The following TRPV3 variants were observed in gnomAD, a reference collection of about 807,000 sequenced individuals.
TRPV3 encodes the protein transient receptor potential cation channel subfamily V member 3.
A neutral mutation model predicts 87.1 loss-of-function variants in TRPV3; 88 were observed. The ratio of observed to expected loss-of-function variants is 1.01; its 90% CI spans 0.85 to 1.21. The LOEUF (loss-of-function observed/expected upper bound fraction) is 1.21, where lower values mean the gene tolerates loss of function less well. Among genes scored for constraint, TRPV3 ranks in the 50% most tolerant of loss-of-function variants. The pLI is 0.00. For missense variants in TRPV3, 1,054 were observed against 1,030.1 expected (o/e 1.02, Z -0.32); for synonymous variants, 438 against 423.3 (o/e 1.03, Z -0.43).
intron 9 of TRPV3, among the ~76,000 whole-genome samples, chr17:3,529,578 C>T (rs1294723587): frequency 6.6e-6 from 1 of 152,164 alleles, no homozygotes; most frequent in East Asian, 1.9e-4. Flanking sequence ...TAGCCTCCTC[C>T]AGGAAGGCCC....
chr17:3,552,730 T>A (rs1429692721), intron 2 of TRPV3: 4 of 152,190 alleles, frequency 2.6e-5, no homozygotes, highest in African/African-American at 9.7e-5. Context: ...AGCCTGACGG[T>A]TCCTGCTGAG....
At chr17:3,539,494 A>G (rs1287959619) in intron 6 of TRPV3, 2 of 152,028 alleles carry the variant, frequency 1.3e-5, no homozygotes, top group Non-Finnish European at 2.9e-5. Context: ...CCTGCAACAA[A>G]TAGAAAAATT....
Position 3,514,662 on chromosome 17 carries a change from C to T in TRPV3, c.2209G>A (p.Val737Met), listed in dbSNP as rs768666749. 1 of 1,613,212 alleles carries T rather than the reference C, an allele frequency of 6.2e-7. No homozygotes were observed. The highest frequency in any genetic ancestry group is 8.5e-7 in the Non-Finnish European group (1 of 1,179,184). Reference protein sequence around the residue: ...DFRLCLRINEVKWTEWKTHVS... With the variant: ...DFRLCLRINEMKWTEWKTHVS... The stretch of plus-strand genomic sequence containing the variant: ...TGCGTCTTCCATTCAGTCCACTTCA[C>T]CTCATTGATCCTGCAAATGTGATAA... Residue 737 changes from valine to methionine, a missense_variant, in exon 17 of 18, where the codon GTG becomes ATG. Coordinates refer to ENST00000576742, the MANE Select transcript of TRPV3 (RefSeq NM_145068.4).
intron 16 of TRPV3, among the ~76,000 whole-genome samples, chr17:3,516,033 A>C (rs903034067): frequency 6.6e-6 from 1 of 151,692 alleles, no homozygotes; most frequent in Non-Finnish European, 1.5e-5. Flanking sequence ...CTAAAAATAC[A>C]AAATTAGCCA....
At chr17:3,552,340 CA>C (rs2074584306) in intron 2 of TRPV3, 1 of 151,982 alleles carries the variant, frequency 6.6e-6, no homozygotes, top group Non-Finnish European at 1.5e-5. Flanking sequence ...ACTATAGGCA[CA>C]CGCCACCACA....
chr17:3,516,187 A>C (rs1250965136), intron 16 of TRPV3, among the ~76,000 whole-genome samples: 1 of 564 alleles, frequency 1.8e-3, no homozygotes, highest in Non-Finnish European at 0.028. Context: ...ATTCCGTCTC[A>C]AAAAAAAATA....
chr17:3,550,077 G>T (rs149032461), intron 2 of TRPV3, among the ~76,000 whole-genome samples: 5 of 152,238 alleles, frequency 3.3e-5, no homozygotes, highest in African/African-American at 9.6e-5. Flanking sequence ...TGGATGGATG[G>T]ATAATAAGTA....
chr17:3,520,880 A>G, intron 14 of TRPV3, 93 bp downstream of exon 14: 4 of 755,280 alleles, frequency 5.3e-6, no homozygotes, highest in Non-Finnish European at 6.6e-6. Flanking sequence ...AGTTGGTCTA[A>G]TTGTTGCCAA....
rs925366117 is a variant in TRPV3, at chr17:3,554,969, C to T, written c.-2-117G>A. On this transcript the variant is annotated intron_variant, in intron 1 of 17. Coordinates refer to ENST00000576742, the MANE Select transcript of TRPV3 (RefSeq NM_145068.4). ...CGTTCACACTACCTGGAACTGGAAG[C>T]TCACTCCTCCCTTCCCAGTTCACCA... is the stretch of plus-strand genomic sequence containing the variant. The T allele has an allele frequency of 2.7e-5, 17 of 620,652 alleles. No individual in the cohort carries two copies. The East Asian group carries it at 4.7e-4, about 17-fold the overall frequency. The allele number at this position is 620,652 out of a possible 1,614,324, so 38.4% of individuals were successfully genotyped here. A position where few individuals can be genotyped will look rare whatever the true frequency, so the allele number is the denominator to read the frequency against.
At chr17:3,529,123 C>T in intron 9 of TRPV3, 128 bp from the exon 10 acceptor site, 1 of 1,119,260 alleles carries the variant, frequency 8.9e-7, no homozygotes, top group South Asian at 1.4e-5. Context: ...ATGGACTGGT[C>T]TGGTTGGAAA....
chr17:3,525,245 T>C (rs577796014), intron 12 of TRPV3, among the ~76,000 whole-genome samples: 20 of 152,230 alleles, frequency 1.3e-4, no homozygotes, highest in Admixed American at 5.9e-4. Flanking sequence ...GTCTCGAACT[T>C]CTGACCTCAG....
intron 2 of TRPV3, among the ~76,000 whole-genome samples, chr17:3,547,280 G>A (rs560597428): frequency 3.1e-4 from 47 of 152,298 alleles, no homozygotes; most frequent in Admixed American, 1.2e-3. Flanking sequence ...ACTTGCCCCC[G>A]CTGATCAGCA....
intron 11 of TRPV3, chr17:3,527,754 T>C (rs2074312517): frequency 4.2e-6 from 2 of 475,574 alleles, no homozygotes; most frequent in African/African-American, 4.0e-5. Context: ...GATGGGTGGA[T>C]GGGGGTGGAA....
At chr17:3,515,660 A>G (rs1466540602) in intron 16 of TRPV3, among the ~76,000 whole-genome samples, 3 of 148,084 alleles carry the variant, frequency 2.0e-5, no homozygotes, top group Non-Finnish European at 4.5e-5. Context: ...AAAAACAGAA[A>G]AGAAAAGGTG....
intron 2 of TRPV3, among the ~76,000 whole-genome samples, chr17:3,545,599 T>G (rs1409263594): frequency 6.6e-6 from 1 of 151,966 alleles, no homozygotes; most frequent in Non-Finnish European, 1.5e-5. Context: ...CAGTAGGATC[T>G]GTGGCCCACA....
intron 11 of TRPV3, chr17:3,527,768 G>A: frequency 1.9e-6 from 1 of 518,620 alleles, no homozygotes; most frequent in Non-Finnish European, 3.5e-6. Context: ...GGTGGAAGAG[G>A]ACAAGGGACA....
Position 3,533,379 on chromosome 17 carries a change from C to T in TRPV3, c.785-442G>A, listed in dbSNP as rs369613613. Among the ~76,000 whole-genome samples, 346 of 152,316 alleles carry T rather than the reference C, an allele frequency of 2.3e-3. 1 individual carries two copies. The highest frequency in any genetic ancestry group is 7.7e-3 in the African/African-American group (321 of 41,570). ...ATAGCCCAGTCACTTTCTCCCTCAC[C>T]TCCTTCAAGTCCTTGCTCAAATGTC... is the stretch of plus-strand genomic sequence containing the variant. On this transcript the variant is annotated intron_variant, in intron 7 of 17. Transcript: ENST00000576742.
intron 9 of TRPV3, among the ~76,000 whole-genome samples, chr17:3,529,310 C>T (rs879261605): frequency 4.6e-5 from 7 of 152,016 alleles, no homozygotes; most frequent in Non-Finnish European, 8.8e-5. Flanking sequence ...TCCTCCTTTG[C>T]TGTGTGACTT....
chr17:3,544,987 C>A (rs2074510321), intron 3 of TRPV3, among the ~76,000 whole-genome samples, 180 bp downstream of exon 3: 1 of 152,144 alleles, frequency 6.6e-6, no homozygotes, highest in Admixed American at 6.5e-5. Flanking sequence ...GCACTCCAGC[C>A]TGGGCAACAG....
Sources: allele counts gnomAD v4.1 joint callset (sites outside exome capture counted in the v4.1 genomes callset), GRCh38; gene constraint gnomAD v4.1.1; transcripts MANE v1.5; gene names NCBI Gene and HGNC (gene_info 2026-07-23, HGNC 2026-07-21).